RBL2: variants seen among roughly 807,000 people sequenced by gnomAD.
The protein encoded by RBL2 is RB transcriptional corepressor like 2.
RBL2 carries 56 observed loss-of-function variants against 126.0 expected under a neutral mutation model. The ratio of observed to expected loss-of-function variants is 0.44; its 90% CI spans 0.36 to 0.56. The LOEUF (loss-of-function observed/expected upper bound fraction) is 0.56, where lower values mean the gene tolerates loss of function less well. Ranked by LOEUF, RBL2 falls within the 20% of genes least tolerant of loss-of-function variation. The probability of loss-of-function intolerance (pLI) is 0.00; values close to 1 mark genes in which losing one functional copy is unlikely to be tolerated. For synonymous variants in RBL2, 454 were observed against 478.5 expected (o/e 0.95, Z 0.67); for missense variants, 1,229 against 1,398.2 (o/e 0.88, Z 1.93).
chr16:53,445,676 A>T (rs1326563941), intron 3 of RBL2: 1 of 152,216 alleles, frequency 6.6e-6, no homozygotes, highest in Non-Finnish European at 1.5e-5. Context: ...ACTATCTGAA[A>T]ATGTGTCACT....
chr16:53,484,110 G>A (rs1961066000), intron 21 of RBL2, among the ~76,000 whole-genome samples: 1 of 152,136 alleles, frequency 6.6e-6, no homozygotes, highest in Admixed American at 6.6e-5. Context: ...AGTAGGACTG[G>A]TTATGAAACC....
Position 53,470,081 on chromosome 16 carries a change from G to A in RBL2, c.2141G>A (p.Gly714Glu). 6.2e-7 allele frequency: 1 copy of A among 1,614,182 alleles called. No homozygotes were observed. The highest frequency in any genetic ancestry group is 8.5e-7 in the Non-Finnish European group (1 of 1,180,010). The change falls in exon 15 of 22, where the codon GGG (glycine) becomes GAG (glutamate). Residue 714 changes from glycine (G) to glutamate (E), a missense_variant. Around this residue, in one of 2 missense-constraint regions of RBL2, gnomAD observed 1,070 missense variants for 1,274.3 expected, o/e 0.84. Coordinates refer to ENST00000262133, the MANE Select transcript of RBL2 (RefSeq NM_005611.4). ...VNAVPVQNVS[G>E]ETVSVTPVPG... Reference sequence around the variant, plus strand: ...GCTGTCCCTGTGCAGAATGTATCTGGGGAGACTGTTTCTGTCACACCAGTT... The same window carrying A: ...GCTGTCCCTGTGCAGAATGTATCTGAGGAGACTGTTTCTGTCACACCAGTT...
chr16:53,451,814 T>G lies in RBL2; in HGVS notation c.749T>G (p.Val250Gly). Residue 250 changes from valine (V) to glycine (G), a missense_variant, in exon 5 of 22, where the codon GTG (valine) becomes GGG (glycine). By Grantham distance (109) the Val-to-Gly change is moderately radical. Transcript: ENST00000262133. ...CAGTGTTCTAATCGTAAAGAACTTG[T>G]GAACCCTAATTTTAAAGGTAGGTTT... ...ALQCSNRKELVNPNFKGLSED... is the reference protein window; with the variant it reads ...ALQCSNRKELGNPNFKGLSED... 1 of 1,613,824 alleles carries G rather than the reference T, an allele frequency of 6.2e-7. No homozygotes were observed. The highest frequency in any genetic ancestry group is 8.5e-7 in the Non-Finnish European group (1 of 1,179,828).
At chr16:53,447,291 T>C (rs2058071394) in intron 4 of RBL2, among the ~76,000 whole-genome samples, 185 bp downstream of exon 4, 1 of 149,074 alleles carries the variant, frequency 6.7e-6, no homozygotes, top group Non-Finnish European at 1.5e-5. Flanking sequence ...TTCTTTACAA[T>C]ATCCAAATCT....
At chr16:53,484,907 G>C (rs540985885) in intron 21 of RBL2, among the ~76,000 whole-genome samples, 1 of 152,184 alleles carries the variant, frequency 6.6e-6, no homozygotes, top group South Asian at 2.1e-4. Context: ...AGTTGGAGTG[G>C]CTGTATTAAT....
In RBL2 at chr16:53,453,491, C is replaced by A. The variant is rs1187534313; in HGVS notation, c.806C>A (p.Ser269Tyr). Residue 269 changes from serine to tyrosine, a missense_variant, in exon 6 of 22, where the codon TCC becomes TAC. Ser to Tyr is a moderately radical substitution (Grantham distance 144). This residue lies in a region of RBL2 where 1,070 missense variants were observed against 1,274.3 expected (regional missense o/e 0.84). Transcript: ENST00000262133. ...TTTCATGCTAAAGATTCTAAACCTT[C>A]CTCTGACCCCCCTTGTATCATTGAG... is the stretch of plus-strand genomic sequence containing the variant. ...EDFHAKDSKP[S>Y]SDPPCIIEKL... 1.9e-6 allele frequency: 3 copies of A among 1,613,220 alleles called. No homozygotes were observed. Among genetic ancestry groups the A allele is most frequent in the Non-Finnish European group, 2.5e-6 (3 of 1,179,470 alleles).
chr16:53,435,018 C>T (rs1336000237), intron 1 of RBL2, among the ~76,000 whole-genome samples: 4 of 152,176 alleles, frequency 2.6e-5, no homozygotes, highest in Admixed American at 6.5e-5. Flanking sequence ...ACGCGTCTTG[C>T]CCTAAAGTAG....
chr16:53,451,657 C>G (rs771248856), intron 4 of RBL2, 46 bp from the exon 5 acceptor site: 3 of 1,576,712 alleles, frequency 1.9e-6, no homozygotes, highest in East Asian at 2.3e-5. Flanking sequence ...AAAAATGTTA[C>G]AAAGTCAATG....
intron 8 of RBL2, among the ~76,000 whole-genome samples, chr16:53,456,188 AAAG>A (rs559824693): frequency 2.8e-4 from 42 of 151,266 alleles, no homozygotes; most frequent in Non-Finnish European, 1.2e-4. Flanking sequence ...AAAAAAAAGA[AAAG>A]AAGAAGAAAA....
chr16:53,490,108 T>G (rs1388840638), intron 21 of RBL2, 22 bp from the exon 22 acceptor site: 2 of 1,517,760 alleles, frequency 1.3e-6, no homozygotes, highest in Admixed American at 4.2e-5. Context: ...TTTAAAATTT[T>G]TGTATCTTTT....
chr16:53,454,460 C>T, intron 7 of RBL2, 196 bp from the exon 8 acceptor site: 1 of 527,396 alleles, frequency 1.9e-6, no homozygotes, highest in Non-Finnish European at 3.4e-6. Context: ...GCCTCAGCCT[C>T]CCAAAGTGCT....
rs761491242 is a variant in RBL2, at chr16:53,461,760, A to T, written c.1366A>T (p.Thr456Ser). The change falls in exon 10 of 22, where the codon ACC becomes TCC. Residue 456 changes from threonine to serine, a missense_variant. Around this residue, in one of 2 missense-constraint regions of RBL2, gnomAD observed 1,070 missense variants for 1,274.3 expected, o/e 0.84. Transcript: ENST00000262133. The part of the protein sequence containing the change: ...QILRTCSRDP[T>S]QAIANRLKEM... ...TTTTAGGACATGTTCCAGAGATCCA[A>T]CCCAGGCTATTGCTAACAGACTGAA... 6.2e-7 allele frequency: 1 copy of T among 1,605,004 alleles called. No individual in the cohort carries two copies. Among genetic ancestry groups the T allele is most frequent in the Non-Finnish European group, 8.5e-7 (1 of 1,176,726 alleles).
At chr16:53,458,720 C>T (rs998764498) in intron 8 of RBL2, among the ~76,000 whole-genome samples, 5 of 152,042 alleles carry the variant, frequency 3.3e-5, no homozygotes, top group East Asian at 1.9e-4. Flanking sequence ...TGGTGTGAGG[C>T]GAAAGGCACT....
chr16:53,491,067 T>G lies in RBL2; in HGVS notation c.*767T>G, dbSNP rs1961413008. ...AACATCCAATATTTTCTTTAATGCTTTTATATTTTTTTAAAATGTTAAAAC... is the reference window on the plus strand; with the variant it reads ...AACATCCAATATTTTCTTTAATGCTGTTATATTTTTTTAAAATGTTAAAAC... On this transcript the variant is annotated 3_prime_UTR_variant, in exon 22 of 22. Transcript: ENST00000262133. 1.3e-5 allele frequency: 2 copies of G among 152,662 alleles called. No individual in the cohort carries two copies. The highest frequency in any genetic ancestry group is 4.8e-5 in the African/African-American group (2 of 41,444). 9.5% of individuals were successfully genotyped at this position (152,662 alleles called of 1,614,324 possible).
chr16:53,486,083 A>G (rs1357937108), intron 21 of RBL2, among the ~76,000 whole-genome samples: 1 of 146,892 alleles, frequency 6.8e-6, no homozygotes, highest in Non-Finnish European at 1.5e-5. Flanking sequence ...TGAGCCCAGT[A>G]GTTCAAGACC....
chr16:53,460,235 T>C (rs1300574586), intron 9 of RBL2, among the ~76,000 whole-genome samples: 2 of 152,222 alleles, frequency 1.3e-5, no homozygotes. Flanking sequence ...TTTGAAAAGT[T>C]ACCTCCAAGG....
At chr16:53,462,526 G>A (rs2058231683) in intron 10 of RBL2, 26 bp from the exon 11 acceptor site, 1 of 1,337,394 alleles carries the variant, frequency 7.5e-7, no homozygotes. Context: ...ATTTTTGTGG[G>A]GTTTTTTTTT....
chr16:53,477,914 A>G (rs1960794235), intron 17 of RBL2, among the ~76,000 whole-genome samples: 1 of 152,158 alleles, frequency 6.6e-6, no homozygotes, highest in South Asian at 2.1e-4. Context: ...CTTCATGTGT[A>G]GTGTTGTCCA....
chr16:53,451,042 A>G lies in RBL2; in HGVS notation c.638-661A>G, dbSNP rs192683582. 2.9e-3 allele frequency among the ~76,000 whole-genome samples: 435 copies of G among 152,330 alleles called. 19 individuals carry two copies. The highest frequency in any genetic ancestry group is 0.028 in the Admixed American group (429 of 15,306). On this transcript the variant is annotated intron_variant, in intron 4 of 21. Coordinates refer to ENST00000262133, the MANE Select transcript of RBL2 (RefSeq NM_005611.4). ...CATGACAGAAAAATGTTTTCATGCA[A>G]AACAATTTCTTACAGTTTGAGATAA...
Sources: gnomAD v4.1 joint callset for allele counts (sites outside exome capture counted in the v4.1 genomes callset) on GRCh38, gnomAD v4.1.1 for gene constraint, gnomAD v4.1.1 regional missense constraint, MANE v1.5 for transcripts, NCBI Gene and HGNC (gene_info 2026-07-23, HGNC 2026-07-21) for gene names.